The following FARP1 variants were observed in gnomAD, a reference collection of about 807,000 sequenced individuals.
FARP1 encodes the protein FERM, ARH/RhoGEF and pleckstrin domain protein 1, also known as FERM, ARHGEF and pleckstrin domain-containing protein 1.
Under a neutral mutation model 128.8 loss-of-function variants are expected in FARP1, and 52 were observed. The ratio of observed to expected loss-of-function variants is 0.40; its 90% CI spans 0.32 to 0.51. FARP1 has a LOEUF of 0.51. Ranked by LOEUF, FARP1 falls within the 20% of genes least tolerant of loss-of-function variation. The pLI is 0.45. For synonymous variants in FARP1, 580 were observed against 551.8 expected (o/e 1.05, Z -0.72); for missense variants, 1,333 against 1,367.9 (o/e 0.97, Z 0.40).
intron 25 of FARP1, 158 bp from the exon 26 acceptor site, chr13:98,446,508 C>G: frequency 2.8e-6 from 2 of 724,618 alleles, no homozygotes; most frequent in South Asian, 1.8e-5. Flanking sequence ...CGGGCCATCA[C>G]GTACAGGCAA....
At chr13:98,327,288 A>G (rs1467780640) in intron 2 of FARP1, among the ~76,000 whole-genome samples, 1 of 152,110 alleles carries the variant, frequency 6.6e-6, no homozygotes. Context: ...TTAGTTTATA[A>G]TTTCACAGGA....
intron 2 of FARP1, among the ~76,000 whole-genome samples, chr13:98,232,860 C>T (rs938454627): frequency 5.9e-5 from 9 of 152,148 alleles, no homozygotes; most frequent in African/African-American, 2.2e-4. Flanking sequence ...TGATTTTTCC[C>T]AGAAATCAAT....
chr13:98,191,709 G>A (rs183839073), intron 1 of FARP1, among the ~76,000 whole-genome samples: 4 of 152,278 alleles, frequency 2.6e-5, no homozygotes, highest in South Asian at 2.1e-4. Context: ...TTGGGAGGCC[G>A]AGGCGGGCAG....
At chr13:98,160,029 A>G (rs931177388) in intron 1 of FARP1, among the ~76,000 whole-genome samples, 22 of 152,218 alleles carry the variant, frequency 1.4e-4, no homozygotes, top group Non-Finnish European at 2.5e-4. Flanking sequence ...GATGTACTTT[A>G]GCTTCACCTT....
chr13:98,406,411 G>C (rs1049538902), intron 13 of FARP1: 1 of 152,190 alleles, frequency 6.6e-6, no homozygotes, highest in Non-Finnish European at 1.5e-5. Context: ...AATGCTGATA[G>C]ATTTCTAGAC....
At position 98,438,848 on chromosome 13, in the gene FARP1, G is replaced by T. The variant is rs1488295470; in HGVS notation, c.2319G>T (p.Gly773=). 2.5e-6 allele frequency: 4 copies of T among 1,613,414 alleles called. No homozygotes were observed. In the African/African-American group the frequency reaches 5.3e-5, roughly 22 times the overall value. ...LGSLSKLSGK[G]LQQRMFFLFN... ...GCCTCAGCAAGCTCTCGGGGAAGGGGCTCCAGCAGCGCATGTTCTTCCTGG... is the reference window on the plus strand; with the variant it reads ...GCCTCAGCAAGCTCTCGGGGAAGGGTCTCCAGCAGCGCATGTTCTTCCTGG... Residue 773 remains glycine (G), a synonymous_variant, in exon 20 of 27, where the codon GGG becomes GGT. Transcript: ENST00000319562.
At chr13:98,378,041 C>A in intron 6 of FARP1, 123 bp downstream of exon 6, 1 of 716,390 alleles carries the variant, frequency 1.4e-6, no homozygotes, top group South Asian at 1.7e-5. Flanking sequence ...TTTTGCTGTT[C>A]GTATGAAGGC....
intron 2 of FARP1, among the ~76,000 whole-genome samples, chr13:98,230,316 G>A (rs1212921810): frequency 9.9e-5 from 15 of 152,078 alleles, no homozygotes; most frequent in Non-Finnish European, 1.2e-4. Flanking sequence ...CTAACCCTCC[G>A]AGTTCCTTAG....
chr13:98,190,131 C>T (rs190018259), intron 1 of FARP1, among the ~76,000 whole-genome samples: 47 of 152,248 alleles, frequency 3.1e-4, no homozygotes, highest in Admixed American at 7.8e-4. Flanking sequence ...TGAGTTGATC[C>T]GCTGAAAAAT....
Position 98,415,755 on chromosome 13 carries a change from G to A in FARP1, c.1826+3721G>A, listed in dbSNP as rs763521513. Among the ~76,000 whole-genome samples, 6 of 152,280 alleles carry A rather than the reference G, an allele frequency of 3.9e-5. No homozygotes were observed. The East Asian group carries it at 5.8e-4, about 15-fold the overall frequency. On this transcript the variant is annotated intron_variant, in intron 16 of 26. Transcript: ENST00000319562. ...CCCTGGCTACTGACTGACAGACTGCGCATGTGTGTGTTCAGTGCATGTATG... is the reference window on the plus strand; with the variant it reads ...CCCTGGCTACTGACTGACAGACTGCACATGTGTGTGTTCAGTGCATGTATG...
At chr13:98,167,695 C>T (rs965296320) in intron 1 of FARP1, among the ~76,000 whole-genome samples, 11 of 152,088 alleles carry the variant, frequency 7.2e-5, no homozygotes, top group Non-Finnish European at 1.0e-4. Flanking sequence ...CAAGCATGAG[C>T]CACTGCGCCT....
chr13:98,309,597 G>GT (rs1886360233), intron 2 of FARP1, among the ~76,000 whole-genome samples: 1 of 152,316 alleles, frequency 6.6e-6, no homozygotes, highest in Non-Finnish European at 1.5e-5. Context: ...GAAGAGGCTG[G>GT]TGCGAGATGG....
chr13:98,244,433 A>C (rs1566787423), intron 2 of FARP1: 1 of 1,500,672 alleles, frequency 6.7e-7, no homozygotes, highest in Non-Finnish European at 9.0e-7. Context: ...GTTTTTTAAA[A>C]AACAACAACA....
intron 16 of FARP1, among the ~76,000 whole-genome samples, chr13:98,420,620 T>G (rs1891558446): frequency 6.6e-6 from 1 of 152,188 alleles, no homozygotes; most frequent in South Asian, 2.1e-4. Context: ...CCAGGCAGCT[T>G]CTTAGCAGAC....
intron 2 of FARP1, among the ~76,000 whole-genome samples, chr13:98,225,937 T>A (rs1487876995): frequency 1.3e-5 from 2 of 152,032 alleles, no homozygotes; most frequent in Admixed American, 6.5e-5. Context: ...CTTGGGGAGG[T>A]CAGTGATGGT....
intron 3 of FARP1, among the ~76,000 whole-genome samples, chr13:98,345,031 C>T (rs772841628): frequency 1.3e-5 from 2 of 152,176 alleles, no homozygotes; most frequent in African/African-American, 4.8e-5. Flanking sequence ...GAAGTAGTTA[C>T]GGTTTCCATT....
At chr13:98,275,078 T>C (rs1031636169) in intron 2 of FARP1, among the ~76,000 whole-genome samples, 2 of 152,228 alleles carry the variant, frequency 1.3e-5, no homozygotes, top group African/African-American at 4.8e-5. Context: ...TGCATTTATC[T>C]GACAGATATC....
At chr13:98,173,374 TAATC>T (rs1877782804) in intron 1 of FARP1, among the ~76,000 whole-genome samples, 1 of 152,224 alleles carries the variant, frequency 6.6e-6, no homozygotes, top group Non-Finnish European at 1.5e-5. Context: ...TTCAGGATAT[TAATC>T]AATCTGGGTA....
intron 2 of FARP1, among the ~76,000 whole-genome samples, chr13:98,306,894 A>G (rs532316144): frequency 1.1e-4 from 16 of 152,230 alleles, no homozygotes; most frequent in Non-Finnish European, 2.2e-4. Context: ...GTGTTAGGAA[A>G]AGAGAAAGGA....
Sources: allele counts gnomAD v4.1 joint callset (sites outside exome capture counted in the v4.1 genomes callset), GRCh38; gene constraint gnomAD v4.1.1; transcripts MANE v1.5; gene names NCBI Gene and HGNC (gene_info 2026-07-23, HGNC 2026-07-21).